Variants in KALRN observed in about 807,000 individuals in gnomAD.
KALRN encodes the protein kalirin.
KALRN carries 70 observed loss-of-function variants against 353.7 expected under a neutral mutation model. The observed-to-expected ratio is 0.20, with a 90% CI of 0.16 to 0.24. The LOEUF (loss-of-function observed/expected upper bound fraction) is 0.24, where lower values mean the gene tolerates loss of function less well. KALRN is among the 10% of genes least tolerant of loss of function. The pLI is 1.00. For synonymous variants in KALRN, 1,391 were observed against 1,434.8 expected (o/e 0.97, Z 0.69); for missense variants, 2,791 against 3,756.7 (o/e 0.74, Z 6.72).
At chr3:124,245,377 C>G (rs1346672765) in intron 3 of KALRN, among the ~76,000 whole-genome samples, 1 of 152,110 alleles carries the variant, frequency 6.6e-6, no homozygotes, top group Non-Finnish European at 1.5e-5. Flanking sequence ...TTTTCTTTAT[C>G]CATTCATCTG....
intron 1 of KALRN, among the ~76,000 whole-genome samples, chr3:124,088,192 A>G (rs2060923299): frequency 6.6e-6 from 1 of 152,104 alleles, no homozygotes; most frequent in African/African-American, 2.4e-5. Context: ...GTTGTTCACT[A>G]TGCGGATGGT....
chr3:124,406,991 G>A (rs960018504), intron 13 of KALRN, among the ~76,000 whole-genome samples: 3 of 151,732 alleles, frequency 2.0e-5, no homozygotes, highest in East Asian at 1.9e-4. Context: ...GCGCCACCAC[G>A]CCCAGCTAAT....
At chr3:124,504,228 G>A (rs2064955749) in intron 33 of KALRN, among the ~76,000 whole-genome samples, 1 of 151,998 alleles carries the variant, frequency 6.6e-6, no homozygotes, top group African/African-American at 2.4e-5. Flanking sequence ...ATGTGAGTTT[G>A]GAATTTGAAA....
intron 37 of KALRN, among the ~76,000 whole-genome samples, chr3:124,644,150 G>A (rs1243143413): frequency 6.6e-6 from 1 of 151,932 alleles, no homozygotes; most frequent in Non-Finnish European, 1.5e-5. Context: ...CCACTTTGCT[G>A]GTAACTACTG....
chr3:124,217,458 G>A (rs778989571), intron 1 of KALRN, among the ~76,000 whole-genome samples: 1 of 152,146 alleles, frequency 6.6e-6, no homozygotes, highest in Non-Finnish European at 1.5e-5. Flanking sequence ...TGGGATCTGT[G>A]TATGTGTGTG....
At chr3:124,646,153 A>G (rs1036389444) in intron 37 of KALRN, among the ~76,000 whole-genome samples, 1 of 152,042 alleles carries the variant, frequency 6.6e-6, no homozygotes, top group East Asian at 1.9e-4. Context: ...TAGCTTACCC[A>G]TTGTCTCATC....
At chr3:124,658,239 T>C (rs2084344175) in intron 41 of KALRN, among the ~76,000 whole-genome samples, 192 bp from the exon 42 acceptor site, 1 of 152,224 alleles carries the variant, frequency 6.6e-6, no homozygotes, top group Non-Finnish European at 1.5e-5. Context: ...GTTTTTTTGT[T>C]TTTTTGACCA....
At chr3:124,380,414 G>A (rs887390292) in intron 10 of KALRN, among the ~76,000 whole-genome samples, 1 of 152,192 alleles carries the variant, frequency 6.6e-6, no homozygotes, top group Non-Finnish European at 1.5e-5. Flanking sequence ...ATGGGGTGTT[G>A]GAGAGGGAAG....
At chr3:124,325,396 A>T (rs1269349942) in intron 6 of KALRN, among the ~76,000 whole-genome samples, 1 of 152,188 alleles carries the variant, frequency 6.6e-6, no homozygotes, top group African/African-American at 2.4e-5. Context: ...ACCCTGTTTG[A>T]TGACCAGTGC....
chr3:124,634,463 A>T lies in KALRN; in HGVS notation c.5568+510A>T, dbSNP rs534849858. On this transcript the variant is annotated intron_variant, in intron 36 of 59. Coordinates refer to ENST00000682506, the MANE Select transcript of KALRN (RefSeq NM_001388419.1). Reference sequence around the variant, plus strand: ...ATTGTCAAAGGTGGGCAAACTTAATATGCGAAATTGCCTGACTTTGCTTTG... The same window carrying T: ...ATTGTCAAAGGTGGGCAAACTTAATTTGCGAAATTGCCTGACTTTGCTTTG... Among the ~76,000 whole-genome samples the T allele has an allele frequency of 7.2e-5, 11 of 152,348 alleles. 1 individual carries two copies. In the South Asian group the frequency reaches 2.3e-3, roughly 32 times the overall value.
chr3:124,487,577 A>G (rs1185698380), intron 28 of KALRN, among the ~76,000 whole-genome samples: 1 of 152,216 alleles, frequency 6.6e-6, no homozygotes, highest in South Asian at 2.1e-4. Flanking sequence ...ACCTCATCTG[A>G]CAATGAAATA....
chr3:124,499,605 A>G (rs571700927), intron 33 of KALRN, among the ~76,000 whole-genome samples: 1 of 152,316 alleles, frequency 6.6e-6, no homozygotes, highest in African/African-American at 2.4e-5. Context: ...TACTAGACCT[A>G]AAGTGATGTA....
chr3:124,349,414 C>A (rs1464518568), intron 10 of KALRN, among the ~76,000 whole-genome samples: 4 of 152,146 alleles, frequency 2.6e-5, no homozygotes, highest in African/African-American at 7.2e-5. Flanking sequence ...TACGGCCCAA[C>A]ACAAATTGGT....
intron 32 of KALRN, 128 bp downstream of exon 32, chr3:124,493,010 C>T (rs1296506996): frequency 2.0e-6 from 2 of 1,000,534 alleles, no homozygotes; most frequent in African/African-American, 3.3e-5. Flanking sequence ...CCTGTGAGTT[C>T]TACCTAGGAT....
At chr3:124,047,594 G>T (rs888263499) in intron 1 of KALRN, among the ~76,000 whole-genome samples, 5 of 149,280 alleles carry the variant, frequency 3.3e-5, no homozygotes, top group African/African-American at 1.2e-4. Flanking sequence ...CTGGGTTCAT[G>T]CCATTCTCCT....
chr3:124,272,154 A>G (rs1357593140), intron 5 of KALRN, among the ~76,000 whole-genome samples: 1 of 152,224 alleles, frequency 6.6e-6, no homozygotes, highest in Non-Finnish European at 1.5e-5. Flanking sequence ...ATCTAAATTA[A>G]ACGTTAAAAA....
intron 34 of KALRN, among the ~76,000 whole-genome samples, chr3:124,585,303 T>A (rs1297601201): frequency 6.6e-6 from 1 of 152,170 alleles, no homozygotes; most frequent in African/African-American, 2.4e-5. Flanking sequence ...GGATCTCAGC[T>A]GCGGGATTAA....
intron 10 of KALRN, among the ~76,000 whole-genome samples, chr3:124,372,510 T>C (rs1425514049): frequency 2.6e-5 from 4 of 151,848 alleles, no homozygotes; most frequent in Non-Finnish European, 5.9e-5. Context: ...AGCATAATCA[T>C]TATCATTATC....
intron 27 of KALRN, among the ~76,000 whole-genome samples, chr3:124,477,811 C>G (rs2061569990): frequency 6.6e-6 from 1 of 152,010 alleles, no homozygotes. Context: ...AATCACTTCT[C>G]TAATGCAATT....
Sources: allele counts gnomAD v4.1 joint callset (sites outside exome capture counted in the v4.1 genomes callset), GRCh38; gene constraint gnomAD v4.1.1; transcripts MANE v1.5; gene names NCBI Gene and HGNC (gene_info 2026-07-23, HGNC 2026-07-21).